Variants in ZNF804A observed in about 807,000 individuals in gnomAD.
The protein encoded by ZNF804A is zinc finger protein 804A.
ZNF804A carries 2 observed loss-of-function variants against 16.5 expected under a neutral mutation model. That is an observed-to-expected ratio of 0.12 (90% confidence interval 0.05 to 0.38). The LOEUF (loss-of-function observed/expected upper bound fraction) is 0.38. ZNF804A is among the 10% of genes least tolerant of loss of function. The pLI is 0.99. For synonymous variants in ZNF804A, 534 were observed against 489.6 expected (o/e 1.09, Z -1.20); for missense variants, 1,473 against 1,390.7 (o/e 1.06, Z -0.94).
At chr2:184,852,536 G>A (rs1274305811) in intron 1 of ZNF804A, among the ~76,000 whole-genome samples, 3 of 143,920 alleles carry the variant, frequency 2.1e-5, no homozygotes, top group African/African-American at 7.7e-5. Flanking sequence ...TAATGTCATA[G>A]AGATCTCCCA....
chr2:184,652,859 T>C (rs1303739672), intron 1 of ZNF804A, among the ~76,000 whole-genome samples: 1 of 152,170 alleles, frequency 6.6e-6, no homozygotes, highest in African/African-American at 2.4e-5. Context: ...CAAGATCTGA[T>C]GGTTTTATAA....
At position 184,774,890 on chromosome 2, in the gene ZNF804A, C is replaced by A. The variant is rs370795753; in HGVS notation, c.112-91479C>A. ...ATTGTGGCCATAAACAAAGCAGCTA[C>A]CCTTCATGAGGGAAGAGATGGATCA... On this transcript the variant is annotated intron_variant, in intron 1 of 3. Coordinates refer to ENST00000302277, the MANE Select transcript of ZNF804A (RefSeq NM_194250.2). 2.9e-3 allele frequency among the ~76,000 whole-genome samples: 435 copies of A among 151,184 alleles called. 4 individuals carry two copies. Among genetic ancestry groups the A allele is most frequent in the African/African-American group, 8.9e-3 (369 of 41,322 alleles).
At chr2:184,614,223 C>T (rs1219372263) in intron 1 of ZNF804A, among the ~76,000 whole-genome samples, 2 of 152,118 alleles carry the variant, frequency 1.3e-5, no homozygotes, top group African/African-American at 4.8e-5. Flanking sequence ...GGAAAACTGG[C>T]TAGCCATAGG....
At chr2:184,901,843 T>C (rs1235143727) in intron 2 of ZNF804A, among the ~76,000 whole-genome samples, 3 of 152,032 alleles carry the variant, frequency 2.0e-5, no homozygotes, top group African/African-American at 4.8e-5. Context: ...TTTCAAAATA[T>C]AAATGAGATT....
At chr2:184,846,912 A>G (rs1695524846) in intron 1 of ZNF804A, among the ~76,000 whole-genome samples, 2 of 152,136 alleles carry the variant, frequency 1.3e-5, no homozygotes, top group African/African-American at 4.8e-5. Context: ...TTACTGTGAC[A>G]GCTGAGGCTT....
intron 1 of ZNF804A, among the ~76,000 whole-genome samples, chr2:184,611,589 T>C (rs1330272008): frequency 6.6e-6 from 1 of 152,158 alleles, no homozygotes; most frequent in African/African-American, 2.4e-5. Context: ...AATAATAATT[T>C]TGATAGCTGT....
chr2:184,724,389 A>G (rs1032935596), intron 1 of ZNF804A, among the ~76,000 whole-genome samples: 6 of 151,756 alleles, frequency 4.0e-5, no homozygotes, highest in Non-Finnish European at 8.9e-5. Context: ...TTTTGAAATC[A>G]TGATATTTCC....
intron 1 of ZNF804A, among the ~76,000 whole-genome samples, chr2:184,601,655 A>C (rs750871522): frequency 1.3e-5 from 2 of 151,898 alleles, no homozygotes; most frequent in Non-Finnish European, 3.0e-5. Context: ...ATTTTATTTT[A>C]ATATATTTGA....
At chr2:184,906,178 A>C (rs915610204) in intron 2 of ZNF804A, among the ~76,000 whole-genome samples, 2 of 152,240 alleles carry the variant, frequency 1.3e-5, no homozygotes, top group African/African-American at 2.4e-5. Context: ...GATTCATAAA[A>C]TAATATACAG....
At chr2:184,705,912 C>CT (rs34645029) in intron 1 of ZNF804A, among the ~76,000 whole-genome samples, 2 of 152,040 alleles carry the variant, frequency 1.3e-5, no homozygotes, top group Non-Finnish European at 2.9e-5. Flanking sequence ...ACCATGGCAC[C>CT]TTTTTTTATG....
chr2:184,870,398 T>C (rs1264160222), intron 2 of ZNF804A, among the ~76,000 whole-genome samples: 1 of 152,076 alleles, frequency 6.6e-6, no homozygotes, highest in East Asian at 1.9e-4. Flanking sequence ...GATAGTGGTA[T>C]CAGAGATATT....
chr2:184,767,691 T>C (rs1273407327), intron 1 of ZNF804A, among the ~76,000 whole-genome samples: 1 of 152,106 alleles, frequency 6.6e-6, no homozygotes. Flanking sequence ...TTATTAACTA[T>C]TGCTTTTGAA....
At chr2:184,890,408 A>G (rs924191756) in intron 2 of ZNF804A, among the ~76,000 whole-genome samples, 2 of 152,118 alleles carry the variant, frequency 1.3e-5, no homozygotes, top group African/African-American at 4.8e-5. Context: ...AATGTAATTC[A>G]CATAGTAGGT....
chr2:184,836,731 C>A (rs1029347502), intron 1 of ZNF804A, among the ~76,000 whole-genome samples: 1 of 151,002 alleles, frequency 6.6e-6, no homozygotes, highest in Non-Finnish European at 1.5e-5. Flanking sequence ...TCATCTCTTG[C>A]GTGAGCATTT....
intron 2 of ZNF804A, among the ~76,000 whole-genome samples, chr2:184,896,278 A>C (rs1467455978): frequency 6.6e-6 from 1 of 152,064 alleles, no homozygotes; most frequent in Non-Finnish European, 1.5e-5. Flanking sequence ...TCATGTCCCA[A>C]ATTTATATAT....
chr2:184,699,793 C>A (rs1311941337), intron 1 of ZNF804A, among the ~76,000 whole-genome samples: 1 of 152,008 alleles, frequency 6.6e-6, no homozygotes, highest in African/African-American at 2.4e-5. Context: ...TTGCAACAAA[C>A]CTATAGAATA....
At chr2:184,752,407 T>C (rs1693890370) in intron 1 of ZNF804A, among the ~76,000 whole-genome samples, 1 of 151,646 alleles carries the variant, frequency 6.6e-6, no homozygotes, top group Non-Finnish European at 1.5e-5. Context: ...ATGTTCTTAC[T>C]TACAAGTGGG....
At chr2:184,904,405 G>A (rs531728590) in intron 2 of ZNF804A, among the ~76,000 whole-genome samples, 1 of 152,134 alleles carries the variant, frequency 6.6e-6, no homozygotes, top group African/African-American at 2.4e-5. Flanking sequence ...ACCATTGTCA[G>A]GTGGCATAAT....
intron 1 of ZNF804A, among the ~76,000 whole-genome samples, chr2:184,700,534 G>A (rs763652873): frequency 6.6e-5 from 10 of 151,942 alleles, no homozygotes; most frequent in Non-Finnish European, 1.0e-4. Flanking sequence ...ATTTGACATA[G>A]GCTTAAATAA....
Sources: gnomAD v4.1 joint callset for allele counts (sites outside exome capture counted in the v4.1 genomes callset) on GRCh38, gnomAD v4.1.1 for gene constraint, MANE v1.5 for transcripts, NCBI Gene and HGNC (gene_info 2026-07-23, HGNC 2026-07-21) for gene names.